The following CDH8 variants were observed in gnomAD, a reference collection of about 807,000 sequenced individuals.
CDH8 encodes the protein cadherin 8.
Under a neutral mutation model 68.1 loss-of-function variants are expected in CDH8, and 17 were observed. That is an observed-to-expected ratio of 0.25 (90% CI 0.17 to 0.37). The LOEUF (loss-of-function observed/expected upper bound fraction) is 0.37, where lower values mean the gene tolerates loss of function less well. CDH8 is among the 10% of genes least tolerant of loss of function. CDH8 has a pLI of 1.00. For synonymous variants in CDH8, 372 were observed against 365.1 expected, an observed-to-expected ratio of 1.02 and a Z score of -0.21; for missense variants, 763 against 999.3, an observed-to-expected ratio of 0.76 and a Z score of 3.19.
chr16:62,017,402 C>T lies in CDH8; in HGVS notation c.252+3750G>A, dbSNP rs546946284. Among the ~76,000 whole-genome samples, 29 of 152,156 alleles carry T rather than the reference C, an allele frequency of 1.9e-4. No individual in the cohort carries two copies. In the South Asian group the frequency reaches 2.9e-3, roughly 15 times the overall value. On this transcript the variant is annotated intron_variant, in intron 2 of 11. Coordinates refer to ENST00000577390, the MANE Select transcript of CDH8 (RefSeq NM_001796.5). ...CTCTCTAAGAATATGACTTTCAGGC[C>T]GGGCACAGTGGTTCACACCTGTAAT...
chr16:61,678,741 C>G (rs975191431), intron 10 of CDH8, among the ~76,000 whole-genome samples: 5 of 151,894 alleles, frequency 3.3e-5, no homozygotes, highest in African/African-American at 9.7e-5. Context: ...TTCTAATGAC[C>G]CTCTTTGAGT....
chr16:61,768,492 T>C (rs1373834622), intron 8 of CDH8, among the ~76,000 whole-genome samples: 1 of 150,468 alleles, frequency 6.6e-6, no homozygotes, highest in Non-Finnish European at 1.5e-5. Flanking sequence ...TGTGACCCTA[T>C]TAATTGTTCT....
At chr16:62,031,668 A>T (rs1275410493) in intron 1 of CDH8, among the ~76,000 whole-genome samples, 5 of 117,400 alleles carry the variant, frequency 4.3e-5, no homozygotes, top group African/African-American at 2.0e-4. Flanking sequence ...TTAAACACAC[A>T]CACCCACAAA....
chr16:61,954,654 T>C (rs748435332), intron 2 of CDH8, among the ~76,000 whole-genome samples: 16 of 149,216 alleles, frequency 1.1e-4, no homozygotes, highest in Non-Finnish European at 2.2e-4. Flanking sequence ...TGAGCCGAGA[T>C]TGGGCCACTG....
chr16:61,721,846 T>C (rs1366228674), intron 9 of CDH8, among the ~76,000 whole-genome samples: 3 of 150,798 alleles, frequency 2.0e-5, no homozygotes, highest in Non-Finnish European at 4.5e-5. Flanking sequence ...TGGTAAATCT[T>C]AAGTAAGACT....
At chr16:61,834,043 A>C (rs983308073) in intron 4 of CDH8, among the ~76,000 whole-genome samples, 2 of 151,952 alleles carry the variant, frequency 1.3e-5, no homozygotes, top group Non-Finnish European at 2.9e-5. Context: ...GTTATTCAAC[A>C]AATGTAAGAG....
At chr16:61,824,335 T>C (rs943207814) in intron 5 of CDH8, among the ~76,000 whole-genome samples, 2 of 151,878 alleles carry the variant, frequency 1.3e-5, no homozygotes, top group African/African-American at 4.8e-5. Flanking sequence ...TGTTTTCACT[T>C]TTTCATGTTT....
chr16:61,956,199 CAT>C (rs1300792605), intron 2 of CDH8, among the ~76,000 whole-genome samples: 2 of 151,964 alleles, frequency 1.3e-5, no homozygotes, highest in Admixed American at 1.3e-4. Flanking sequence ...TAGAAACACT[CAT>C]ATACATTCAC....
intron 1 of CDH8, among the ~76,000 whole-genome samples, chr16:62,026,653 T>A (rs1291788174): frequency 1.3e-5 from 2 of 152,336 alleles, no homozygotes; most frequent in African/African-American, 4.8e-5. Context: ...TCCTCACAGA[T>A]CTATTTTATG....
intron 8 of CDH8, among the ~76,000 whole-genome samples, chr16:61,735,455 T>C (rs997343927): frequency 1.1e-4 from 16 of 152,166 alleles, no homozygotes; most frequent in Non-Finnish European, 1.5e-5. Flanking sequence ...AAGTACCCCA[T>C]AACTCTCTCC....
intron 1 of CDH8, among the ~76,000 whole-genome samples, chr16:62,035,772 G>T (rs1371308653): frequency 6.6e-6 from 1 of 152,182 alleles, no homozygotes; most frequent in African/African-American, 2.4e-5. Context: ...CCAAGTCGCC[G>T]CAGGGAAGGA....
At chr16:61,860,369 C>G (rs1479799523) in intron 3 of CDH8, among the ~76,000 whole-genome samples, 1 of 152,030 alleles carries the variant, frequency 6.6e-6, no homozygotes, top group Non-Finnish European at 1.5e-5. Context: ...CAGACTAAGA[C>G]AGGGGTATGT....
intron 9 of CDH8, among the ~76,000 whole-genome samples, chr16:61,715,610 A>T (rs1596893298): frequency 6.6e-6 from 1 of 151,738 alleles, no homozygotes; most frequent in South Asian, 2.1e-4. Context: ...TGGCATTTTG[A>T]TAAATCTTTT....
intron 2 of CDH8, among the ~76,000 whole-genome samples, chr16:61,974,347 G>A (rs890349790): frequency 6.6e-6 from 1 of 152,194 alleles, no homozygotes; most frequent in African/African-American, 2.4e-5. Flanking sequence ...GTACCAACCT[G>A]TGTCAGGGAA....
chr16:61,850,307 A>G (rs1476725491), intron 4 of CDH8, among the ~76,000 whole-genome samples: 1 of 152,028 alleles, frequency 6.6e-6, no homozygotes, highest in African/African-American at 2.4e-5. Flanking sequence ...ATAGAATGAG[A>G]ATTAACTCAT....
intron 10 of CDH8, among the ~76,000 whole-genome samples, chr16:61,686,783 G>C (rs945787159): frequency 1.3e-5 from 2 of 151,864 alleles, no homozygotes; most frequent in African/African-American, 4.8e-5. Context: ...ATATTTATTT[G>C]AGTGAATGCA....
intron 4 of CDH8, among the ~76,000 whole-genome samples, chr16:61,855,662 T>A (rs1963029922): frequency 6.6e-6 from 1 of 152,188 alleles, no homozygotes; most frequent in African/African-American, 2.4e-5. Flanking sequence ...CAGGTCCATT[T>A]TGGCATCTAA....
chr16:61,884,093 T>C (rs1053768968), intron 3 of CDH8, among the ~76,000 whole-genome samples: 9 of 152,176 alleles, frequency 5.9e-5, no homozygotes, highest in Non-Finnish European at 1.5e-5. Context: ...TAAGAGATAA[T>C]GTTGGTCATA....
intron 10 of CDH8, among the ~76,000 whole-genome samples, chr16:61,684,185 C>T (rs1039005984): frequency 6.6e-6 from 1 of 151,928 alleles, no homozygotes; most frequent in African/African-American, 2.4e-5. Flanking sequence ...GCAATAATAC[C>T]TTCTTCAAAA....
Sources: allele counts gnomAD v4.1 joint callset (sites outside exome capture counted in the v4.1 genomes callset), GRCh38; gene constraint gnomAD v4.1.1; transcripts MANE v1.5; gene names NCBI Gene and HGNC (gene_info 2026-07-23, HGNC 2026-07-21).